Variants in KIF20B observed in about 807,000 individuals in gnomAD.
KIF20B encodes the protein kinesin-like protein KIF20B.
In KIF20B, 188 loss-of-function variants were observed where a neutral mutation model predicts 232.5. The ratio of observed to expected loss-of-function variants is 0.81; its 90% CI spans 0.72 to 0.91. The LOEUF is 0.91. Among genes scored for constraint, KIF20B ranks in the 40% least tolerant of loss-of-function variants. The pLI, the probability that KIF20B is intolerant of heterozygous loss-of-function variation, is 0.00. For missense variants in KIF20B, 2,154 were observed against 2,055.9 expected (o/e 1.05, Z -0.92); for synonymous variants, 712 against 683.0 (o/e 1.04, Z -0.66).
At chr10:89,714,012 GT>G (rs1373614527) in intron 6 of KIF20B, 34 bp from the exon 7 acceptor site, 3 of 1,090,396 alleles carry the variant, frequency 2.8e-6, no homozygotes, top group Admixed American at 5.2e-5. Context: ...TAATGAAAAT[GT>G]TTTTTTAATT....
rs377304425 is a variant in KIF20B, at chr10:89,757,022, T to TTGTG, written c.4504-1668_4504-1665dup. On this transcript the variant is annotated intron_variant, in intron 26 of 32. Transcript: ENST00000371728. ...TGGTGCACATTTGCATATATCTCTG[T>TTGTG]TGTGTGTGTGTGTGTGTGTATATAT... 4.8e-3 allele frequency among the ~76,000 whole-genome samples: 588 copies of TTGTG among 122,800 alleles called. 8 individuals carry two copies. The South Asian group carries it at 0.048, about 10-fold the overall frequency. 80.6% of individuals were successfully genotyped at this position (122,800 alleles called of 152,430 possible). A position where few individuals can be genotyped will look rare whatever the true frequency, so the allele number is the denominator to read the frequency against.
intron 28 of KIF20B, among the ~76,000 whole-genome samples, chr10:89,761,757 T>G (rs1460481364): frequency 6.6e-6 from 1 of 152,228 alleles, no homozygotes; most frequent in Non-Finnish European, 1.5e-5. Flanking sequence ...GTTTGAAGTT[T>G]ATCCATAAAC....
In KIF20B at chr10:89,739,065, C is replaced by A. The variant is rs1841735769; in HGVS notation, c.3884C>A (p.Ala1295Asp). 2 of 1,612,158 alleles carry A rather than the reference C, an allele frequency of 1.2e-6. No homozygotes were observed. Among genetic ancestry groups the A allele is most frequent in the African/African-American group, 1.3e-5 (1 of 74,746 alleles). ...GACCTGAAAGAGAAACTGACTGATG[C>A]CAAAAAGCAGATTAAGCAAGTACAG... is the stretch of plus-strand genomic sequence containing the variant. ...YADLKEKLTD[A>D]KKQIKQVQKE... Residue 1295 changes from alanine to aspartate, a missense_variant, in exon 21 of 33, where the codon GCC (alanine) becomes GAC (aspartate). Ala to Asp is a moderately radical substitution (Grantham distance 126). Transcript: ENST00000371728.
Position 89,725,125 on chromosome 10 carries a change from G to GA in KIF20B, c.1971dup (p.Asp658ArgfsTer8). On this transcript the variant is annotated frameshift_variant, in exon 15 of 33. Coordinates refer to ENST00000371728, the MANE Select transcript of KIF20B (RefSeq NM_001284259.2). LOFTEE classifies it high-confidence loss of function. ...AATGTGACACTCGAGAAGAAGCAGC[G>GA]AAAGACATTTGTGCCACAAAAGTTG... The GA allele has an allele frequency of 1.2e-6, 2 of 1,613,962 alleles. No individual in the cohort carries two copies. Among genetic ancestry groups the GA allele is most frequent in the Non-Finnish European group, 1.7e-6 (2 of 1,179,944 alleles).
rs768129959 is a variant in KIF20B at position 89,738,249 on chromosome 10, T to C, written c.3408T>C (p.Asp1136=). The C allele has an allele frequency of 1.2e-6, 2 of 1,607,850 alleles. No homozygotes were observed. Among genetic ancestry groups the C allele is most frequent in the South Asian group, 1.1e-5 (1 of 89,254 alleles). Residue 1136 remains aspartate, a synonymous_variant, in exon 20 of 33, where the codon GAT becomes GAC. Coordinates refer to ENST00000371728, the MANE Select transcript of KIF20B (RefSeq NM_001284259.2). ...EELQEKNVTL[D]VQIQHVVEGK... ...TGCAAGAAAAAAATGTTACTCTTGATGTTCAAATACAGCATGTAGTTGAAG... is the reference window on the plus strand; with the variant it reads ...TGCAAGAAAAAAATGTTACTCTTGACGTTCAAATACAGCATGTAGTTGAAG...
At chr10:89,714,218 T>C (rs11185854) in intron 7 of KIF20B, 135 bp downstream of exon 7, 267,171 of 350,442 alleles carry the variant, frequency 0.76, 103,030 homozygotes, top group East Asian at 0.94. Flanking sequence ...CGGTGGCTCA[T>C]GCCTGTAATC....
In KIF20B at chr10:89,727,694, AT is replaced by A. The variant is rs908093251; in HGVS notation, c.2231-153del. 2.5e-4 allele frequency among the ~76,000 whole-genome samples: 37 copies of A among 150,910 alleles called. 1 individual carries two copies. The Middle Eastern group carries it at 0.01, about 42-fold the overall frequency. Reference sequence around the variant, plus strand: ...TACCCTGTTGTGGTTGAATTAGCAGATTTTTTTTTAATGAGTAGGGTGTGCT... The same window carrying A: ...TACCCTGTTGTGGTTGAATTAGCAGATTTTTTTTAATGAGTAGGGTGTGCT... On this transcript the variant is annotated intron_variant, in intron 16 of 32. Transcript: ENST00000371728.
In KIF20B at chr10:89,738,196, ACT is replaced by A. The variant is rs1589867558; in HGVS notation, c.3358_3359del (p.Leu1120TyrfsTer16). 1 of 1,602,880 alleles carries A rather than the reference ACT, an allele frequency of 6.2e-7. No individual in the cohort carries two copies. Among genetic ancestry groups the A allele is most frequent in the Non-Finnish European group, 8.5e-7 (1 of 1,178,062 alleles). ...AGATGACCTACTAAAAGAAAAAGAA[ACT>A]CTTATACAGCAGCTGAAAGAAGAAT... Reference protein sequence around the residue: ...NQDDLLKEKETLIQQLKEELQ... With the variant: ...NQDDLLKEKEXLIQQLKEELQ... On this transcript the variant is annotated frameshift_variant, in exon 20 of 33. Coordinates refer to ENST00000371728, the MANE Select transcript of KIF20B (RefSeq NM_001284259.2). LOFTEE classifies it high-confidence loss of function.
At chr10:89,744,728 T>C (rs139841668) in intron 22 of KIF20B, among the ~76,000 whole-genome samples, 31 of 152,352 alleles carry the variant, frequency 2.0e-4, no homozygotes, top group African/African-American at 7.5e-4. Flanking sequence ...TTTGTTATAT[T>C]ATTTTCATGT....
intron 1 of KIF20B, among the ~76,000 whole-genome samples, chr10:89,702,755 CTT>C (rs11287823): frequency 7.8e-4 from 110 of 141,738 alleles, no homozygotes; most frequent in East Asian, 2.6e-3. Flanking sequence ...CTAGGACCGA[CTT>C]TTTTTTTTTT....
intron 4 of KIF20B, 141 bp downstream of exon 4, chr10:89,709,602 G>A: frequency 1.7e-6 from 1 of 580,002 alleles, no homozygotes; most frequent in South Asian, 2.8e-5. Context: ...CAAATCTCAG[G>A]TCTGGAAATA....
Position 89,732,935 on chromosome 10 carries a change from C to A in KIF20B, c.2424C>A (p.Asn808Lys), listed in dbSNP as rs189443463. 1.8e-4 allele frequency: 293 copies of A among 1,606,090 alleles called. No individual in the cohort carries two copies. The highest frequency in any genetic ancestry group is 4.4e-4 in the Admixed American group (26 of 59,212). Residue 808 changes from asparagine to lysine, a missense_variant, in exon 19 of 33, where the codon AAC becomes AAA. Physicochemically the swap from Asn to Lys is moderately conservative, Grantham distance 94. Transcript: ENST00000371728. Reference protein sequence around the residue: ...DKADTSSLIINNKLICNETVE... With the variant: ...DKADTSSLIIKNKLICNETVE... ...CTGATACATCTTCTTTAATAATAAA[C>A]AATAAATTGATTTGTAATGAAACAG...
chr10:89,708,191 TAA>T (rs1202865448), intron 2 of KIF20B, among the ~76,000 whole-genome samples: 2 of 151,492 alleles, frequency 1.3e-5, no homozygotes, highest in Non-Finnish European at 2.9e-5. Context: ...TATATTTTCT[TAA>T]AGAGTTTATG....
At chr10:89,746,164 G>A (rs931460013) in intron 23 of KIF20B, among the ~76,000 whole-genome samples, 1 of 152,230 alleles carries the variant, frequency 6.6e-6, no homozygotes, top group Non-Finnish European at 1.5e-5. Flanking sequence ...AGGCCCCAGT[G>A]GGCGTGTTCT....
At chr10:89,702,852 G>C (rs1000294355) in intron 1 of KIF20B, among the ~76,000 whole-genome samples, 10 of 151,918 alleles carry the variant, frequency 6.6e-5, no homozygotes, top group African/African-American at 2.4e-4. Context: ...ATTTGTTATA[G>C]GGGATACAGA....
At chr10:89,717,359 T>C in intron 9 of KIF20B, 65 bp from the exon 10 acceptor site, 1 of 978,258 alleles carries the variant, frequency 1.0e-6, no homozygotes, top group Non-Finnish European at 1.6e-6. Flanking sequence ...TTTGAATACT[T>C]GTCTCTCCTA....
chr10:89,717,408 G>A lies in KIF20B; in HGVS notation c.1053-16G>A, dbSNP rs1160093446. The A allele has an allele frequency of 6.8e-7, 1 of 1,468,544 alleles. No homozygotes were observed. Among genetic ancestry groups the A allele is most frequent in the Non-Finnish European group, 9.4e-7 (1 of 1,060,910 alleles). 91.0% of individuals were successfully genotyped at this position (1,468,544 alleles called of 1,614,324 possible). On this transcript the variant is annotated splice_polypyrimidine_tract_variant and intron_variant, in intron 9 of 32. Transcript: ENST00000371728. ...AATTAAAAATGATAAGATAACATTT[G>A]ATCTTTGTATTTCAGTCACAGCATA...
chr10:89,728,543 A>T (rs1843240688), intron 17 of KIF20B, among the ~76,000 whole-genome samples: 1 of 151,142 alleles, frequency 6.6e-6, no homozygotes, highest in Non-Finnish European at 1.5e-5. Context: ...ATGGAGTCTC[A>T]CTCTGTTGCC....
In KIF20B at chr10:89,738,495, A is replaced by G; in HGVS notation, c.3654A>G (p.Leu1218=). The part of the protein sequence containing the change: ...LQDSVKNTKD[L]NVKELKLKEE... Reference sequence around the variant, plus strand: ...ATTCTGTCAAAAACACCAAAGATTTAAATGTAAAGGAACTCAAGCTGAAAG... The same window carrying G: ...ATTCTGTCAAAAACACCAAAGATTTGAATGTAAAGGAACTCAAGCTGAAAG... The change falls in exon 20 of 33, where the codon TTA becomes TTG. Residue 1218 remains leucine (L), a synonymous_variant. Transcript: ENST00000371728. The G allele has an allele frequency of 1.9e-6, 3 of 1,606,604 alleles. No homozygotes were observed. Among genetic ancestry groups the G allele is most frequent in the Non-Finnish European group, 2.5e-6 (3 of 1,177,092 alleles).
Sources: allele counts gnomAD v4.1 joint callset (sites outside exome capture counted in the v4.1 genomes callset), GRCh38; gene constraint gnomAD v4.1.1; transcripts MANE v1.5; gene names NCBI Gene and HGNC (gene_info 2026-07-23, HGNC 2026-07-21).